TPST1: variants seen among roughly 807,000 people sequenced by gnomAD.
TPST1 encodes the protein tyrosylprotein sulfotransferase 1.
Under a neutral mutation model 34.8 loss-of-function variants are expected in TPST1, and 20 were observed. That is an observed-to-expected ratio of 0.57 (90% CI 0.40 to 0.84). The LOEUF (loss-of-function observed/expected upper bound fraction) is 0.84, where lower values mean the gene tolerates loss of function less well. TPST1 is among the 40% of genes least tolerant of loss of function. The probability of loss-of-function intolerance (pLI) is 0.00; values close to 1 mark genes in which losing one functional copy is unlikely to be tolerated. For synonymous variants in TPST1, 152 were observed against 159.4 expected (o/e 0.95, Z 0.35); for missense variants, 353 against 455.5 (o/e 0.78, Z 2.05).
At chr7:66,219,940 C>CA (rs1469635544) in intron 1 of TPST1, among the ~76,000 whole-genome samples, 2 of 151,510 alleles carry the variant, frequency 1.3e-5, no homozygotes, top group Admixed American at 1.3e-4. Flanking sequence ...TAAGGGATTG[C>CA]AAAAAAGATT....
chr7:66,260,597 G>A (rs910413610), intron 2 of TPST1, among the ~76,000 whole-genome samples: 2 of 152,068 alleles, frequency 1.3e-5, no homozygotes, highest in African/African-American at 4.8e-5. Flanking sequence ...GATAATATTT[G>A]GATGCCAGAT....
chr7:66,328,859 GCTCT>G (rs755431410), intron 3 of TPST1, among the ~76,000 whole-genome samples: 585 of 18,380 alleles, frequency 0.032, 11 homozygotes, highest in East Asian at 0.046. Flanking sequence ...TCTCTCTCCC[GCTCT>G]CTCTCTCTCT....
intron 2 of TPST1, among the ~76,000 whole-genome samples, chr7:66,251,103 T>C (rs1475777996): frequency 6.6e-6 from 1 of 152,232 alleles, no homozygotes; most frequent in Non-Finnish European, 1.5e-5. Flanking sequence ...GATAAAGGCT[T>C]ACTGAAATAG....
intron 2 of TPST1, among the ~76,000 whole-genome samples, chr7:66,259,180 T>TAA (rs1790436782): frequency 6.6e-6 from 1 of 152,200 alleles, no homozygotes; most frequent in Non-Finnish European, 1.5e-5. Context: ...TTTAGCTTGG[T>TAA]AAATGCTCTT....
chr7:66,208,213 C>G (rs1028712644), intron 1 of TPST1, among the ~76,000 whole-genome samples: 1 of 152,208 alleles, frequency 6.6e-6, no homozygotes, highest in Non-Finnish European at 1.5e-5. Context: ...CATCCCCTTC[C>G]TGGGCCCTTT....
chr7:66,211,004 C>G (rs1789231765), intron 1 of TPST1, among the ~76,000 whole-genome samples: 1 of 152,142 alleles, frequency 6.6e-6, no homozygotes, highest in Admixed American at 6.5e-5. Context: ...CACACACACA[C>G]ACACCAGGAT....
chr7:66,244,053 A>G (rs369848806), intron 2 of TPST1, among the ~76,000 whole-genome samples: 2 of 145,904 alleles, frequency 1.4e-5, no homozygotes, highest in Admixed American at 1.4e-4. Flanking sequence ...GGTTCACGCC[A>G]TTCTCCTGCC....
chr7:66,326,241 C>G (rs533909192), intron 3 of TPST1, among the ~76,000 whole-genome samples: 3 of 152,106 alleles, frequency 2.0e-5, no homozygotes, highest in Non-Finnish European at 2.9e-5. Context: ...AAGACTCTAC[C>G]TGTCTCCTTT....
At chr7:66,328,317 G>A (rs763359996) in intron 3 of TPST1, among the ~76,000 whole-genome samples, 6 of 151,438 alleles carry the variant, frequency 4.0e-5, no homozygotes, top group Non-Finnish European at 5.9e-5. Flanking sequence ...GTGAGCCACC[G>A]CGCCTGGCCC....
intron 1 of TPST1, among the ~76,000 whole-genome samples, chr7:66,230,455 C>T (rs1176340740): frequency 6.6e-6 from 1 of 152,140 alleles, no homozygotes; most frequent in Non-Finnish European, 1.5e-5. Context: ...TGACATTCGG[C>T]TGTGTTCGGA....
At chr7:66,200,008 G>A in the TPST1 span, among the ~76,000 whole-genome samples, 21 of 152,172 alleles carry the variant, frequency 1.4e-4, 1 homozygote, top group Non-Finnish European at 2.6e-4. Flanking sequence ...GGGATTACAG[G>A]CATGAGCCAC....
At chr7:66,209,284 T>G (rs933237470) in intron 1 of TPST1, among the ~76,000 whole-genome samples, 2 of 151,980 alleles carry the variant, frequency 1.3e-5, no homozygotes, top group African/African-American at 4.8e-5. Context: ...GAAAAATGTG[T>G]GATAACCTGG....
chr7:66,298,457 T>G (rs1791246482), intron 3 of TPST1, among the ~76,000 whole-genome samples: 1 of 152,218 alleles, frequency 6.6e-6, no homozygotes, highest in Non-Finnish European at 1.5e-5. Context: ...ACAACAGTGT[T>G]TTTATGTATA....
chr7:66,253,644 T>A (rs1790317987), intron 2 of TPST1, among the ~76,000 whole-genome samples: 2 of 151,860 alleles, frequency 1.3e-5, no homozygotes, highest in South Asian at 4.2e-4. Context: ...GTGCTGGGAT[T>A]ACAGGCATGA....
chr7:66,262,570 A>G (rs1790509344), intron 2 of TPST1, among the ~76,000 whole-genome samples: 6 of 152,156 alleles, frequency 3.9e-5, no homozygotes, highest in Admixed American at 3.3e-4. Context: ...TCTGCCTAGC[A>G]TGTCTTTTCC....
chr7:66,262,036 G>A (rs1258343054), intron 2 of TPST1, among the ~76,000 whole-genome samples: 1 of 152,148 alleles, frequency 6.6e-6, no homozygotes, highest in East Asian at 1.9e-4. Flanking sequence ...GTGTGGTCTT[G>A]TGCTGCTCTC....
At chr7:66,239,538 C>G (rs1789982837) in intron 1 of TPST1, among the ~76,000 whole-genome samples, 1 of 152,168 alleles carries the variant, frequency 6.6e-6, no homozygotes. Flanking sequence ...GGATAATAAA[C>G]TGAATCTCTG....
chr7:66,312,974 T>C (rs1329110304), intron 3 of TPST1, among the ~76,000 whole-genome samples: 1 of 151,604 alleles, frequency 6.6e-6, no homozygotes, highest in Non-Finnish European at 1.5e-5. Context: ...ATAAAAGAGC[T>C]CACTGTATTC....
intron 3 of TPST1, among the ~76,000 whole-genome samples, chr7:66,328,846 C>G (rs1179544356): frequency 2.3e-5 from 3 of 132,148 alleles, no homozygotes; most frequent in African/African-American, 8.7e-5. Context: ...CTTTCTCACT[C>G]TCTCTCTCTC....
Sources: gnomAD v4.1 joint callset for allele counts (sites outside exome capture counted in the v4.1 genomes callset) on GRCh38, gnomAD v4.1.1 for gene constraint, MANE v1.5 for transcripts, NCBI Gene and HGNC (gene_info 2026-07-23, HGNC 2026-07-21) for gene names.